Variants in GADL1 observed in about 807,000 individuals in gnomAD.
GADL1 encodes the protein GAD like acidic amino acid decarboxylase 1.
Under a neutral mutation model 69.5 loss-of-function variants are expected in GADL1, and 71 were observed. The ratio of observed to expected loss-of-function variants is 1.02; its 90% CI spans 0.84 to 1.25. The LOEUF (loss-of-function observed/expected upper bound fraction) is 1.25, where lower values mean the gene tolerates loss of function less well. Ranked by LOEUF, GADL1 falls within the 50% of genes most tolerant of loss-of-function variation. GADL1 has a pLI of 0.00. For synonymous variants in GADL1, 254 were observed against 214.4 expected (o/e 1.18, Z -1.62); for missense variants, 737 against 631.8 (o/e 1.17, Z -1.79).
chr3:30,782,697 T>G (rs578225868), intron 13 of GADL1, among the ~76,000 whole-genome samples: 3 of 152,046 alleles, frequency 2.0e-5, no homozygotes, highest in African/African-American at 7.2e-5. Context: ...AAAGACAAAG[T>G]GTTAGAAGAA....
At chr3:30,797,798 A>C (rs1697075230) in intron 12 of GADL1, 1 of 152,080 alleles carries the variant, frequency 6.6e-6, no homozygotes, top group African/African-American at 2.4e-5. Context: ...GAAAAGCAAA[A>C]AATCCAGGTT....
chr3:30,776,326 AAAT>A (rs1359386644), intron 14 of GADL1, among the ~76,000 whole-genome samples: 2 of 152,174 alleles, frequency 1.3e-5, no homozygotes, highest in African/African-American at 2.4e-5. Context: ...CCCTACTAAA[AAAT>A]GTCAGCCACA....
chr3:30,830,958 G>A (rs1575225162), intron 11 of GADL1, among the ~76,000 whole-genome samples: 1 of 150,076 alleles, frequency 6.7e-6, no homozygotes. Flanking sequence ...TCCCATAATT[G>A]ATAATTGATA....
At chr3:30,809,043 T>C (rs762481411) in intron 11 of GADL1, among the ~76,000 whole-genome samples, 4 of 152,208 alleles carry the variant, frequency 2.6e-5, no homozygotes, top group East Asian at 1.9e-4. Flanking sequence ...TCACTTATAA[T>C]TGGGAATTTG....
intron 4 of GADL1, among the ~76,000 whole-genome samples, chr3:30,851,817 C>T (rs6795046): frequency 0.53 from 80,117 of 151,964 alleles, 24,444 homozygotes; most frequent in African/African-American, 0.85. Context: ...TCCTCCTTCC[C>T]CAGGTCGTCA....
chr3:30,749,160 C>A (rs927332428), intron 14 of GADL1, among the ~76,000 whole-genome samples: 1 of 152,176 alleles, frequency 6.6e-6, no homozygotes, highest in African/African-American at 2.4e-5. Flanking sequence ...ACATGGTCAG[C>A]CTGCCATTTG....
At chr3:30,821,765 C>T (rs1167209773) in intron 11 of GADL1, among the ~76,000 whole-genome samples, 2 of 151,320 alleles carry the variant, frequency 1.3e-5, no homozygotes. Context: ...TATAGACTTA[C>T]CCTACTAGAT....
At chr3:30,796,830 G>A (rs1204000004) in intron 12 of GADL1, among the ~76,000 whole-genome samples, 4 of 152,022 alleles carry the variant, frequency 2.6e-5, no homozygotes, top group African/African-American at 4.8e-5. Flanking sequence ...ACTACCGAGA[G>A]TCCTCATATA....
intron 14 of GADL1, among the ~76,000 whole-genome samples, chr3:30,742,995 G>A (rs368725008): frequency 9.9e-5 from 15 of 151,746 alleles, no homozygotes; most frequent in African/African-American, 2.7e-4. Context: ...CAGAACCTGC[G>A]CATGATCTTG....
intron 11 of GADL1, among the ~76,000 whole-genome samples, chr3:30,812,401 G>A (rs1037367889): frequency 2.6e-5 from 4 of 152,236 alleles, no homozygotes; most frequent in Non-Finnish European, 2.9e-5. Context: ...TGGCTGGGAA[G>A]CCCTCATAAT....
In GADL1 at chr3:30,880,673, T is replaced by G. The variant is rs573909100; in HGVS notation, c.37+13905A>C. Among the ~76,000 whole-genome samples the G allele has an allele frequency of 2.6e-5, 4 of 152,036 alleles. No individual in the cohort carries two copies. In the South Asian group the frequency reaches 8.3e-4, roughly 31 times the overall value. ...AATGGACTAATACATATGCAAATACTATGCCATTTTATATAAAGGAATTGA... is the reference window on the plus strand; with the variant it reads ...AATGGACTAATACATATGCAAATACGATGCCATTTTATATAAAGGAATTGA... On this transcript the variant is annotated intron_variant, in intron 1 of 14. Transcript: ENST00000282538.
chr3:30,753,521 G>GT (rs1695886409), intron 14 of GADL1, among the ~76,000 whole-genome samples: 1 of 151,554 alleles, frequency 6.6e-6, no homozygotes, highest in South Asian at 2.1e-4. Flanking sequence ...TTGTAGAAAG[G>GT]TGATTAATGA....
chr3:30,768,040 C>T (rs116686311), intron 14 of GADL1, among the ~76,000 whole-genome samples: 105,096 of 149,050 alleles, frequency 0.71, 37,471 homozygotes, highest in Non-Finnish European at 0.75. Flanking sequence ...CCCATACCCC[C>T]CCCCCCCTTA....
intron 12 of GADL1, chr3:30,797,644 T>C (rs1344757436): frequency 6.7e-6 from 1 of 150,230 alleles, no homozygotes; most frequent in African/African-American, 2.4e-5. Context: ...AGATTTGTTT[T>C]TTGCGTTTTG....
At chr3:30,779,660 T>A (rs1559497514) in intron 13 of GADL1, among the ~76,000 whole-genome samples, 1 of 152,212 alleles carries the variant, frequency 6.6e-6, no homozygotes, top group Non-Finnish European at 1.5e-5. Flanking sequence ...TTTGAGCATT[T>A]AATGTGAACA....
intron 1 of GADL1, among the ~76,000 whole-genome samples, chr3:30,871,955 C>T (rs1698489213): frequency 6.6e-6 from 1 of 151,966 alleles, no homozygotes; most frequent in Non-Finnish European, 1.5e-5. Context: ...ATAACCTAAT[C>T]TTTTCAAGAG....
At chr3:30,842,769 C>T (rs2201442) in intron 8 of GADL1, among the ~76,000 whole-genome samples, 1 of 142,174 alleles carries the variant, frequency 7.0e-6, no homozygotes, top group Admixed American at 7.4e-5. Context: ...TCAAAGAAAT[C>T]TGATCATGCA....
rs4016178 is a variant in GADL1, at chr3:30,871,042, AGTGTGT to A, written c.38-9283_38-9278del. 7.4e-3 allele frequency among the ~76,000 whole-genome samples: 1,040 copies of A among 141,472 alleles called. 7 individuals carry two copies. The highest frequency in any genetic ancestry group is 0.011 in the Non-Finnish European group (720 of 65,376). The allele number at this position is 141,472 out of a possible 152,430, so 92.8% of individuals were successfully genotyped here. ...AAAGCAACATGGACTAAGGCAGAAA[AGTGTGT>A]GTGTGTGTGTGTGTGTGTGTGTGTG... On this transcript the variant is annotated intron_variant, in intron 1 of 14. Transcript: ENST00000282538.
rs368108658 is a variant in GADL1, at chr3:30,844,415, T to C, written c.703A>G (p.Asn235Asp). The C allele has an allele frequency of 4.3e-6, 7 of 1,613,450 alleles. No homozygotes were observed. The African/African-American group carries it at 9.3e-5, about 22-fold the overall frequency. The change falls in exon 7 of 15, where the codon AAT becomes GAT. Residue 235 changes from asparagine (N) to aspartate (D), a missense_variant. Coordinates refer to ENST00000282538, the MANE Select transcript of GADL1 (RefSeq NM_207359.3). ...CCATCTGTTTCCACAAAGCAAACAT[T>C]CTCAGTGCCAATCCCAAGAAAAGAG... Reference protein sequence around the residue: ...AASFLGIGTENVCFVETDGRG... With the variant: ...AASFLGIGTEDVCFVETDGRG...
Sources: allele counts gnomAD v4.1 joint callset (sites outside exome capture counted in the v4.1 genomes callset), GRCh38; gene constraint gnomAD v4.1.1; transcripts MANE v1.5; gene names NCBI Gene and HGNC (gene_info 2026-07-23, HGNC 2026-07-21).